SLC8A1: variants seen among roughly 807,000 people sequenced by gnomAD.
SLC8A1 encodes the protein sodium/calcium exchanger 1.
Under a neutral mutation model 68.3 loss-of-function variants are expected in SLC8A1, and 18 were observed. The observed-to-expected ratio is 0.26, with a 90% CI of 0.18 to 0.39. SLC8A1 has a LOEUF of 0.39. Among genes scored for constraint, SLC8A1 ranks in the 10% least tolerant of loss-of-function variants. The pLI is 1.00. For missense variants in SLC8A1, 985 were observed against 1,156.7 expected (o/e 0.85, Z 2.15); for synonymous variants, 475 against 415.5 (o/e 1.14, Z -1.74).
intron 1 of SLC8A1, among the ~76,000 whole-genome samples, chr2:40,488,945 G>A (rs1576655995): frequency 6.6e-6 from 1 of 152,140 alleles, no homozygotes; most frequent in African/African-American, 2.4e-5. Context: ...AGGAAATTAT[G>A]TTGGATTTGG....
chr2:40,253,864 A>T (rs1041577587), intron 2 of SLC8A1, among the ~76,000 whole-genome samples: 4 of 150,580 alleles, frequency 2.7e-5, no homozygotes, highest in African/African-American at 4.9e-5. Context: ...AAAGGCTAGG[A>T]AGGACAGCAG....
chr2:40,132,730 T>C (rs1331851183), intron 7 of SLC8A1, among the ~76,000 whole-genome samples: 2 of 151,798 alleles, frequency 1.3e-5, no homozygotes, highest in Non-Finnish European at 2.9e-5. Context: ...GAAAAAAATA[T>C]CATTTTCAGG....
At chr2:40,430,186 T>C (rs1234364602) in exon 2 of SLC8A1, 4 of 1,613,668 alleles carry the variant, frequency 2.5e-6, no homozygotes, top group Non-Finnish European at 3.4e-6. Flanking sequence ...AGCAATTACA[T>C]GGTCCACATG....
At chr2:40,336,371 C>T (rs1037599355) in intron 2 of SLC8A1, among the ~76,000 whole-genome samples, 1 of 152,116 alleles carries the variant, frequency 6.6e-6, no homozygotes, top group Non-Finnish European at 1.5e-5. Flanking sequence ...CAACAAAGGC[C>T]TTGCAGGGGC....
At chr2:40,457,283 G>A (rs776557245) in intron 1 of SLC8A1, among the ~76,000 whole-genome samples, 8 of 152,146 alleles carry the variant, frequency 5.3e-5, no homozygotes, top group Non-Finnish European at 8.8e-5. Context: ...GGGGTGCTTT[G>A]TACCAGGCAG....
At chr2:40,243,489 G>C (rs929808414) in intron 2 of SLC8A1, among the ~76,000 whole-genome samples, 5 of 151,986 alleles carry the variant, frequency 3.3e-5, no homozygotes, top group Admixed American at 1.3e-4. Context: ...TCTCAAAAAA[G>C]AGAAAAAGAA....
At chr2:40,352,993 C>T (rs1476465523) in intron 2 of SLC8A1, among the ~76,000 whole-genome samples, 2 of 152,134 alleles carry the variant, frequency 1.3e-5, no homozygotes, top group African/African-American at 4.8e-5. Flanking sequence ...AAGGTCCACA[C>T]CCCAGCCTTA....
At chr2:40,477,266 CAA>C (rs1198497487) in intron 1 of SLC8A1, among the ~76,000 whole-genome samples, 1 of 152,080 alleles carries the variant, frequency 6.6e-6, no homozygotes, top group Admixed American at 6.6e-5. Context: ...GTTTCTCTTA[CAA>C]GAGAGAAAAC....
chr2:40,501,386 ATAGT>A (rs548662465), intron 1 of SLC8A1, among the ~76,000 whole-genome samples: 13 of 152,242 alleles, frequency 8.5e-5, no homozygotes, highest in Admixed American at 1.3e-4. Context: ...AATTAGCAAA[ATAGT>A]TAGGAAATAA....
chr2:40,139,294 T>C (rs990938621), intron 7 of SLC8A1, 107 bp downstream of exon 10: 8 of 1,254,876 alleles, frequency 6.4e-6, no homozygotes, highest in African/African-American at 1.5e-5. Context: ...TCGTCTTTCA[T>C]AGGTCTTGGT....
At position 40,158,043 on chromosome 2, in the gene SLC8A1, A is replaced by G. The variant is rs2044907750; in HGVS notation, c.2161+2722T>C. Among the ~76,000 whole-genome samples, 4 of 152,186 alleles carry G rather than the reference A, an allele frequency of 2.6e-5. No homozygotes were observed. In the South Asian group the frequency reaches 8.3e-4, roughly 32 times the overall value. On this transcript the variant is annotated intron_variant, in intron 6 of 7. Coordinates refer to ENST00000406785, the Ensembl canonical transcript of SLC8A1. ...TACTGAGAAAGAAAAGCAAATCCCT[A>G]TTTACAAAATTATTATTTTTGTTTA...
chr2:40,322,281 G>T (rs549161054), intron 2 of SLC8A1, among the ~76,000 whole-genome samples: 1 of 151,832 alleles, frequency 6.6e-6, no homozygotes, highest in African/African-American at 2.4e-5. Context: ...TTCATTCCAT[G>T]GAACCACCCC....
chr2:40,465,865 C>A (rs1237407431), intron 1 of SLC8A1, among the ~76,000 whole-genome samples: 1 of 152,080 alleles, frequency 6.6e-6, no homozygotes, highest in Non-Finnish European at 1.5e-5. Context: ...GTCATGAGAA[C>A]CCTGCCCTCA....
chr2:40,502,416 T>C (rs1706110108), intron 1 of SLC8A1, among the ~76,000 whole-genome samples: 1 of 152,008 alleles, frequency 6.6e-6, no homozygotes, highest in African/African-American at 2.4e-5. Flanking sequence ...GGCTGTGTCT[T>C]AGTCATCATT....
chr2:40,330,737 T>A (rs2076326060), intron 2 of SLC8A1, among the ~76,000 whole-genome samples: 2 of 152,138 alleles, frequency 1.3e-5, no homozygotes, highest in Admixed American at 6.5e-5. Flanking sequence ...AAAAATAAAG[T>A]TAAAATATAT....
intron 2 of SLC8A1, among the ~76,000 whole-genome samples, chr2:40,322,536 C>T (rs1030103188): frequency 4.1e-5 from 6 of 147,656 alleles, no homozygotes; most frequent in Non-Finnish European, 8.9e-5. Context: ...ATTAGATGGG[C>T]ATGGTGGTGC....
At chr2:40,338,071 TTCTC>T (rs1176614003) in intron 2 of SLC8A1, among the ~76,000 whole-genome samples, 4 of 151,810 alleles carry the variant, frequency 2.6e-5, no homozygotes, top group Admixed American at 6.6e-5. Flanking sequence ...TGTCTTAAGT[TTCTC>T]TCTATCTCTC....
intron 2 of SLC8A1, chr2:40,190,390 G>C (rs2051560385): frequency 6.6e-6 from 1 of 152,040 alleles, no homozygotes; most frequent in Non-Finnish European, 1.5e-5. Context: ...GCCAGAATTA[G>C]GATTAAAACT....
intron 2 of SLC8A1, among the ~76,000 whole-genome samples, chr2:40,255,825 A>T (rs573948209): frequency 6.6e-6 from 1 of 152,204 alleles, no homozygotes; most frequent in Non-Finnish European, 1.5e-5. Context: ...TACTTGTCAC[A>T]TCAATTAGTC....
Sources: allele counts gnomAD v4.1 joint callset (sites outside exome capture counted in the v4.1 genomes callset), GRCh38; gene constraint gnomAD v4.1.1; transcripts MANE v1.5; gene names NCBI Gene and HGNC (gene_info 2026-07-23, HGNC 2026-07-21).